The following SORCS1 variants were observed in gnomAD, a reference collection of about 807,000 sequenced individuals.
SORCS1 encodes the protein VPS10 domain-containing receptor SorCS1.
In SORCS1, 60 loss-of-function variants were observed where a neutral mutation model predicts 146.1. The observed-to-expected ratio is 0.41, with a 90% CI of 0.33 to 0.51. The LOEUF (loss-of-function observed/expected upper bound fraction) is 0.51. Ranked by LOEUF, SORCS1 falls within the 20% of genes least tolerant of loss-of-function variation. The pLI, the probability that SORCS1 is intolerant of heterozygous loss-of-function variation, is 0.21. For synonymous variants in SORCS1, 637 were observed against 584.0 expected, an observed-to-expected ratio of 1.09 and a Z score of -1.31; for missense variants, 1,352 against 1,487.6, an observed-to-expected ratio of 0.91 and a Z score of 1.50.
At chr10:106,772,566 T>C (rs1860108311) in intron 4 of SORCS1, among the ~76,000 whole-genome samples, 1 of 152,120 alleles carries the variant, frequency 6.6e-6, no homozygotes, top group South Asian at 2.1e-4. Flanking sequence ...CACCTAGATG[T>C]TGAATATCAC....
intron 2 of SORCS1, among the ~76,000 whole-genome samples, chr10:106,857,112 TA>T (rs747828424): frequency 6.6e-6 from 1 of 152,112 alleles, no homozygotes. Context: ...GCAGTGAACA[TA>T]TCTTTGTTCA....
chr10:106,957,155 G>GTTTT (rs373309411), intron 1 of SORCS1, among the ~76,000 whole-genome samples: 3 of 136,440 alleles, frequency 2.2e-5, no homozygotes, highest in African/African-American at 3.0e-5. Flanking sequence ...TTAGCATGTG[G>GTTTT]TTTTTTTTTG....
chr10:107,073,929 T>C (rs1222587646), intron 1 of SORCS1, among the ~76,000 whole-genome samples: 2 of 152,096 alleles, frequency 1.3e-5, no homozygotes, highest in African/African-American at 2.4e-5. Flanking sequence ...GAATGGAAGG[T>C]ACAGAGATTT....
At chr10:106,739,756 C>A (rs1445607365) in intron 5 of SORCS1, among the ~76,000 whole-genome samples, 1 of 151,678 alleles carries the variant, frequency 6.6e-6, no homozygotes, top group Non-Finnish European at 1.5e-5. Context: ...TCAAGATAAT[C>A]CTGGCTAATG....
At chr10:106,916,490 C>T (rs1041707374) in intron 2 of SORCS1, among the ~76,000 whole-genome samples, 12 of 146,154 alleles carry the variant, frequency 8.2e-5, no homozygotes, top group African/African-American at 2.8e-4. Context: ...ATATTATATA[C>T]ATATATAATT....
intron 2 of SORCS1, among the ~76,000 whole-genome samples, chr10:106,875,849 A>G (rs1034934471): frequency 2.6e-5 from 4 of 152,172 alleles, no homozygotes; most frequent in Non-Finnish European, 5.9e-5. Flanking sequence ...TGAATAAAAT[A>G]CAGAGTGACA....
At chr10:106,625,523 C>T (rs1433447938) in intron 19 of SORCS1, among the ~76,000 whole-genome samples, 3 of 152,246 alleles carry the variant, frequency 2.0e-5, no homozygotes, top group Non-Finnish European at 2.9e-5. Flanking sequence ...CAGAACACCA[C>T]ATTTTTATCA....
chr10:107,173,664 C>A, the SORCS1 span, among the ~76,000 whole-genome samples: 1 of 151,918 alleles, frequency 6.6e-6, no homozygotes, highest in Non-Finnish European at 1.5e-5. Flanking sequence ...TTTCTAGAAG[C>A]TGTATTGTTT....
rs1037988376 is a variant in SORCS1, at chr10:106,954,567, C to T, written c.626+1946G>A. 2.0e-5 allele frequency among the ~76,000 whole-genome samples: 3 copies of T among 152,292 alleles called. No homozygotes were observed. The East Asian group carries it at 5.8e-4, about 29-fold the overall frequency. On this transcript the variant is annotated intron_variant, in intron 2 of 25. Coordinates refer to ENST00000263054, the MANE Select transcript of SORCS1 (RefSeq NM_052918.5). Reference sequence around the variant, plus strand: ...CTTGAAGGTTGGGTTTCATTGGGGGCTTGTCCCTATCTGCCTAGGAATTTG... The same window carrying T: ...CTTGAAGGTTGGGTTTCATTGGGGGTTTGTCCCTATCTGCCTAGGAATTTG...
intron 2 of SORCS1, among the ~76,000 whole-genome samples, chr10:106,937,310 A>C (rs1335004648): frequency 1.3e-5 from 2 of 151,018 alleles, no homozygotes; most frequent in East Asian, 3.9e-4. Flanking sequence ...GCTGGGATTT[A>C]CAGGTGCCCA....
the SORCS1 span, among the ~76,000 whole-genome samples, chr10:107,180,549 C>A: frequency 6.6e-6 from 1 of 151,878 alleles, no homozygotes; most frequent in East Asian, 1.9e-4. Flanking sequence ...TATGGGTTGT[C>A]AATTTTTTTA....
At chr10:107,047,225 G>A (rs1352560287) in intron 1 of SORCS1, among the ~76,000 whole-genome samples, 2 of 152,108 alleles carry the variant, frequency 1.3e-5, no homozygotes, top group Admixed American at 1.3e-4. Flanking sequence ...CTGACCTCAA[G>A]TGATCTGCCC....
intron 18 of SORCS1, 123 bp downstream of exon 18, chr10:106,652,259 A>G (rs889851089): frequency 4.8e-6 from 5 of 1,039,614 alleles, no homozygotes; most frequent in Admixed American, 3.1e-5. Context: ...TAAAAGTAAA[A>G]TAAAAATTTT....
rs1554901296 is a variant in SORCS1 at position 106,976,325 on chromosome 10, G to GTTTTTTTGTTT, written c.559-19756_559-19746dup. ...CTGCACCTATCAACTCATCATCTAG[G>GTTTTTTTGTTT]TTTTTTTGTTTTTTTTTTTTTTTTG... On this transcript the variant is annotated intron_variant, in intron 1 of 25. Transcript: ENST00000263054. Among the ~76,000 whole-genome samples the GTTTTTTTGTTT allele has an allele frequency of 7.4e-3, 669 of 90,434 alleles. 1 individual carries two copies. The highest frequency in any genetic ancestry group is 0.015 in the South Asian group (44 of 2,852). 59.3% of individuals were successfully genotyped at this position (90,434 alleles called of 152,430 possible).
chr10:106,930,788 A>G (rs1953379420), intron 2 of SORCS1, among the ~76,000 whole-genome samples: 2 of 152,100 alleles, frequency 1.3e-5, no homozygotes, highest in African/African-American at 4.8e-5. Context: ...AACTTCTTCA[A>G]AAGTCCAGGG....
rs1161174866 is a variant in SORCS1 at position 106,989,271 on chromosome 10, GAA to G, written c.559-32693_559-32692del. ...GGTGTCAGTGAAAGGCTCCACCTCA[GAA>G]AAAAAAAAAAAAAAAAAAAAAAAAG... On this transcript the variant is annotated intron_variant, in intron 1 of 25. Transcript: ENST00000263054. 1.4e-3 allele frequency among the ~76,000 whole-genome samples: 104 copies of G among 75,654 alleles called. No homozygotes were observed. The East Asian group carries it at 0.017, about 12-fold the overall frequency. 49.6% of individuals were successfully genotyped at this position (75,654 alleles called of 152,430 possible).
At chr10:106,938,259 A>T (rs567338006) in intron 2 of SORCS1, among the ~76,000 whole-genome samples, 1 of 152,334 alleles carries the variant, frequency 6.6e-6, no homozygotes. Context: ...TCAGGAACTT[A>T]GCACATCAAG....
At chr10:107,037,556 A>G (rs71475438) in intron 1 of SORCS1, among the ~76,000 whole-genome samples, 2,069 of 152,376 alleles carry the variant, frequency 0.014, 26 homozygotes, top group Middle Eastern at 0.024. Context: ...GGGGAAACCC[A>G]GCATCTTTCT....
At chr10:106,875,076 C>T (rs7090465) in intron 2 of SORCS1, among the ~76,000 whole-genome samples, 76,036 of 151,908 alleles carry the variant, frequency 0.5, 20,198 homozygotes, top group African/African-American at 0.69. Context: ...TAGTGTACAT[C>T]GTACCCAATA....
Sources: gnomAD v4.1 joint callset for allele counts (sites outside exome capture counted in the v4.1 genomes callset) on GRCh38, gnomAD v4.1.1 for gene constraint, MANE v1.5 for transcripts, NCBI Gene and HGNC (gene_info 2026-07-23, HGNC 2026-07-21) for gene names.